The following SPATA7 variants were observed in gnomAD, a reference collection of about 807,000 sequenced individuals.
SPATA7 encodes the protein spermatogenesis-associated protein 7.
In SPATA7, 43 loss-of-function variants were observed where a neutral mutation model predicts 51.8. That is an observed-to-expected ratio of 0.83 (90% CI 0.65 to 1.07). The LOEUF is 1.07. Among genes scored for constraint, SPATA7 ranks in the 50% least tolerant of loss-of-function variants. SPATA7 has a pLI of 0.00. For missense variants in SPATA7, 683 were observed against 701.3 expected (o/e 0.97, Z 0.30); for synonymous variants, 230 against 252.8 (o/e 0.91, Z 0.86).
At chr14:88,393,514 C>T (rs1405209410) in intron 3 of SPATA7, 26 bp downstream of exon 3, 1 of 1,509,768 alleles carries the variant, frequency 6.6e-7, no homozygotes, top group Admixed American at 1.8e-5. Context: ...TGTGAACTCT[C>T]TGTACTCAAT....
chr14:88,421,123 A>T (rs2076630980), intron 5 of SPATA7, among the ~76,000 whole-genome samples: 1 of 152,130 alleles, frequency 6.6e-6, no homozygotes, highest in Non-Finnish European at 1.5e-5. Flanking sequence ...AAAAAAAAAA[A>T]TAATTAATTA....
At chr14:88,444,894 A>G (rs553328325) in intron 3 of SPATA7, among the ~76,000 whole-genome samples, 67 of 152,248 alleles carry the variant, frequency 4.4e-4, no homozygotes, top group African/African-American at 1.5e-3. Flanking sequence ...GTAGCCTTGT[A>G]GTATAGTATG....
chr14:88,458,837 C>T (rs1165367902), downstream of SPATA7, among the ~76,000 whole-genome samples: 4 of 152,060 alleles, frequency 2.6e-5, no homozygotes, highest in South Asian at 2.1e-4. Flanking sequence ...TACATCTTTC[C>T]TGCTTTCTCT....
exon 5 of SPATA7, chr14:88,470,129 C>A: frequency 2.1e-6 from 3 of 1,441,374 alleles, no homozygotes; most frequent in South Asian, 2.6e-5. Flanking sequence ...CATGGTAGTA[C>A]TAAAAAAGTT....
downstream of SPATA7, among the ~76,000 whole-genome samples, chr14:88,457,605 A>G (rs1478113723): frequency 6.6e-6 from 1 of 152,204 alleles, no homozygotes; most frequent in Non-Finnish European, 1.5e-5. Context: ...GAAGTTGCTT[A>G]TCAGCTTAAG....
Position 88,438,169 on chromosome 14 carries a change from A to T in SPATA7, c.1547A>T (p.Glu516Val). ...IQQVNDETNL[E>V]TSTLDENHPS... ...CAGGTGAATGATGAAACAAATCTTGAAACTTCAACTTTGGATGAAAATCAT... is the reference window on the plus strand; with the variant it reads ...CAGGTGAATGATGAAACAAATCTTGTAACTTCAACTTTGGATGAAAATCAT... The change falls in exon 12 of 12, where the codon GAA (glutamate) becomes GTA (valine). Residue 516 changes from glutamate (E) to valine (V), a missense_variant. By Grantham distance (121) the Glu-to-Val change is moderately radical. Coordinates refer to ENST00000393545, the MANE Select transcript of SPATA7 (RefSeq NM_018418.5). 1 of 1,613,694 alleles carries T rather than the reference A, an allele frequency of 6.2e-7. No individual in the cohort carries two copies. Among genetic ancestry groups the T allele is most frequent in the East Asian group, 2.2e-5 (1 of 44,868 alleles).
chr14:88,424,069 GA>G (rs1359948086), intron 5 of SPATA7, among the ~76,000 whole-genome samples: 1 of 152,160 alleles, frequency 6.6e-6, no homozygotes, highest in Non-Finnish European at 1.5e-5. Flanking sequence ...CGTAAACTAA[GA>G]ATAACCTAAG....
At position 88,425,054 on chromosome 14, in the gene SPATA7, C is replaced by A. The variant is rs116064095; in HGVS notation, c.373-1178C>A. Among the ~76,000 whole-genome samples the A allele has an allele frequency of 2.1e-3, 321 of 152,148 alleles. 4 individuals are homozygous for A. The highest frequency in any genetic ancestry group is 7.3e-3 in the African/African-American group (304 of 41,544). On this transcript the variant is annotated intron_variant, in intron 5 of 11. Transcript: ENST00000393545. Reference sequence around the variant, plus strand: ...TTAAGTAGACAATATGATAAAGTGGCAAAGAACATGGGCTCTGCCTCTGTT... The same window carrying A: ...TTAAGTAGACAATATGATAAAGTGGAAAAGAACATGGGCTCTGCCTCTGTT...
chr14:88,392,233 A>G (rs375700644), intron 2 of SPATA7, among the ~76,000 whole-genome samples: 3 of 152,352 alleles, frequency 2.0e-5, no homozygotes, highest in Admixed American at 6.5e-5. Flanking sequence ...AACTAGATTT[A>G]AAATATACAT....
intron 8 of SPATA7, among the ~76,000 whole-genome samples, chr14:88,430,863 T>C (rs1336447058): frequency 2.6e-5 from 4 of 152,196 alleles, no homozygotes; most frequent in East Asian, 1.9e-4. Flanking sequence ...GCTTTAAAAA[T>C]TGCTGAAACA....
intron 4 of SPATA7, among the ~76,000 whole-genome samples, chr14:88,411,704 A>G (rs1256263129): frequency 6.6e-6 from 1 of 152,068 alleles, no homozygotes; most frequent in Non-Finnish European, 1.5e-5. Context: ...GGCTGCACAT[A>G]TACAGTATTT....
intron 1 of SPATA7, among the ~76,000 whole-genome samples, chr14:88,391,039 ACTT>A (rs1310668566): frequency 5.9e-5 from 9 of 151,996 alleles, no homozygotes; most frequent in African/African-American, 1.9e-4. Context: ...CTAGCTCGAT[ACTT>A]CTTTTTTCTA....
chr14:88,403,296 C>T (rs569898128), intron 4 of SPATA7, among the ~76,000 whole-genome samples: 65 of 152,208 alleles, frequency 4.3e-4, no homozygotes, highest in African/African-American at 7.7e-4. Flanking sequence ...AACTACCATA[C>T]GATTAAGCAA....
intron 3 of SPATA7, 117 bp from the exon 4 acceptor site, chr14:88,396,039 A>G: frequency 2.5e-6 from 2 of 790,534 alleles, no homozygotes; most frequent in South Asian, 2.9e-5. Context: ...TGTGTTTTCC[A>G]TCGCTAGAAG....
Position 88,396,198 on chromosome 14 carries a change from TAA to T in SPATA7, c.235_236del (p.Lys79ValfsTer18). 2 of 1,608,690 alleles carry T rather than the reference TAA, an allele frequency of 1.2e-6. No individual in the cohort carries two copies. The highest frequency in any genetic ancestry group is 1.7e-6 in the Non-Finnish European group (2 of 1,176,644). Reference sequence around the variant, plus strand: ...GTTCCAGTAAGCGTGAGTACCAGCATAAAGTGTAAGTAATTTTTGGACATTAT... The same window carrying T: ...GTTCCAGTAAGCGTGAGTACCAGCATAGTGTAAGTAATTTTTGGACATTAT... On this transcript the variant is annotated frameshift_variant, in exon 4 of 12. Transcript: ENST00000393545. LOFTEE classifies it high-confidence loss of function.
intron 1 of SPATA7, among the ~76,000 whole-genome samples, chr14:88,390,887 G>A (rs1436623846): frequency 6.6e-6 from 1 of 152,024 alleles, no homozygotes; most frequent in African/African-American, 2.4e-5. Flanking sequence ...ACCTTGACTT[G>A]TATTGTCCTA....
chr14:88,385,801 G>A lies in SPATA7; in HGVS notation c.-18G>A, dbSNP rs1195951741. On this transcript the variant is annotated 5_prime_UTR_variant, in exon 1 of 12. Transcript: ENST00000393545. Reference sequence around the variant, plus strand: ...GGGGATACAGCGTGTCCCTGCGGCGGCTGCAAGAGGACTAAGCATGGATGG... The same window carrying A: ...GGGGATACAGCGTGTCCCTGCGGCGACTGCAAGAGGACTAAGCATGGATGG... The A allele has an allele frequency of 6.2e-7, 1 of 1,604,096 alleles. No homozygotes were observed. The highest frequency in any genetic ancestry group is 2.2e-5 in the East Asian group (1 of 44,564).
At chr14:88,432,195 G>A (rs2140012176) in intron 9 of SPATA7, among the ~76,000 whole-genome samples, 1 of 152,114 alleles carries the variant, frequency 6.6e-6, no homozygotes, top group East Asian at 1.9e-4. Flanking sequence ...TATTTTATTT[G>A]TAGATTTTAA....
intron 2 of SPATA7, 113 bp from the exon 3 acceptor site, chr14:88,393,280 T>C (rs966451627): frequency 3.2e-5 from 24 of 746,102 alleles, no homozygotes; most frequent in Non-Finnish European, 4.9e-5. Flanking sequence ...TATCAATATC[T>C]CTGGTTGAAT....
Sources: allele counts gnomAD v4.1 joint callset (sites outside exome capture counted in the v4.1 genomes callset), GRCh38; gene constraint gnomAD v4.1.1; transcripts MANE v1.5; gene names NCBI Gene and HGNC (gene_info 2026-07-23, HGNC 2026-07-21).